Variants in H6PD observed in about 807,000 individuals in gnomAD.
H6PD encodes the protein GDH/6PGL endoplasmic bifunctional protein.
A neutral mutation model predicts 61.2 loss-of-function variants in H6PD; 48 were observed. The ratio of observed to expected loss-of-function variants is 0.78; its 90% CI spans 0.62 to 1.00. The LOEUF (loss-of-function observed/expected upper bound fraction) is 1.00. H6PD is among the 50% of genes least tolerant of loss of function. The probability of loss-of-function intolerance (pLI) is 0.00; values close to 1 mark genes in which losing one functional copy is unlikely to be tolerated. For synonymous variants in H6PD, 480 were observed against 457.9 expected, an observed-to-expected ratio of 1.05 and a Z score of -0.62; for missense variants, 1,093 against 1,065.0, an observed-to-expected ratio of 1.03 and a Z score of -0.37.
chr1:9,236,668 TA>T (rs34967254), intron 1 of H6PD, among the ~76,000 whole-genome samples: 2,990 of 111,420 alleles, frequency 0.027, 55 homozygotes, highest in African/African-American at 0.069. Flanking sequence ...GACTTCTCCT[TA>T]AAAAAAAAAA....
intron 3 of H6PD, among the ~76,000 whole-genome samples, 163 bp from the exon 4 acceptor site, chr1:9,261,896 G>A (rs936523434): frequency 5.9e-5 from 9 of 152,176 alleles, no homozygotes; most frequent in African/African-American, 1.9e-4. Flanking sequence ...CTCCCTTCTC[G>A]TGGTGAGGTT....
At chr1:9,242,255 C>G (rs1225498156) in intron 1 of H6PD, among the ~76,000 whole-genome samples, 1 of 152,076 alleles carries the variant, frequency 6.6e-6, no homozygotes, top group African/African-American at 2.4e-5. Context: ...AGGTCCTCTT[C>G]CTTCTGCATC....
At chr1:9,258,912 G>A (rs369782802) in intron 3 of H6PD, among the ~76,000 whole-genome samples, 57 of 152,138 alleles carry the variant, frequency 3.7e-4, no homozygotes, top group African/African-American at 1.3e-3. Context: ...TGTTACATCG[G>A]TGTTATGTTG....
rs1469980824 is a variant in H6PD at position 9,270,191 on chromosome 1, T to G, written c.*5322T>G. 1 of 152,682 alleles carries G rather than the reference T, an allele frequency of 6.5e-6. No individual in the cohort carries two copies. Among genetic ancestry groups the G allele is most frequent in the Non-Finnish European group, 1.5e-5 (1 of 68,044 alleles). 9.5% of individuals were successfully genotyped at this position (152,682 alleles called of 1,614,324 possible). A position where few individuals can be genotyped will look rare whatever the true frequency, so the allele number is the denominator to read the frequency against. On this transcript the variant is annotated 3_prime_UTR_variant, in exon 5 of 5. Transcript: ENST00000377403. ...CTGCTGCTTTGATTCTCAAGGCTGA[T>G]CTTTAAAACCCTCGCCTTGCTGACA...
intron 1 of H6PD, among the ~76,000 whole-genome samples, chr1:9,236,078 C>T (rs572724701): frequency 6.6e-6 from 1 of 152,120 alleles, no homozygotes; most frequent in South Asian, 2.1e-4. Flanking sequence ...CAACCTTCTC[C>T]TCCTGGTTCA....
intron 1 of H6PD, among the ~76,000 whole-genome samples, chr1:9,236,668 TAAAAA>T (rs34967254): frequency 2.7e-5 from 3 of 111,456 alleles, no homozygotes; most frequent in African/African-American, 6.6e-5. Context: ...GACTTCTCCT[TAAAAA>T]AAAAAAAAAA....
rs371007806 is a variant in H6PD, at chr1:9,263,489, C to T, written c.1016-20C>T. The T allele has an allele frequency of 9.9e-6, 16 of 1,613,108 alleles. No individual in the cohort carries two copies. The African/African-American group carries it at 1.9e-4, about 19-fold the overall frequency. ...CTGGTCTGTGCCAGAGAGTCACCCT[C>T]TGCTGTTCCCTCACCCCAGCCGTCC... On this transcript the variant is annotated intron_variant, in intron 4 of 4. Coordinates refer to ENST00000377403, the MANE Select transcript of H6PD (RefSeq NM_004285.4).
chr1:9,261,277 C>G (rs1276896449), intron 3 of H6PD, among the ~76,000 whole-genome samples: 1 of 152,200 alleles, frequency 6.6e-6, no homozygotes, highest in African/African-American at 2.4e-5. Flanking sequence ...CCCCTGATCT[C>G]CTCTCCAGCC....
chr1:9,256,431 G>A (rs1037318291), intron 3 of H6PD, among the ~76,000 whole-genome samples: 17 of 152,138 alleles, frequency 1.1e-4, no homozygotes, highest in Admixed American at 3.3e-4. Flanking sequence ...TTCATTTCTT[G>A]CCCCCCAACA....
At chr1:9,253,601 C>T (rs182215693) in intron 3 of H6PD, among the ~76,000 whole-genome samples, 3 of 152,272 alleles carry the variant, frequency 2.0e-5, no homozygotes, top group East Asian at 3.9e-4. Context: ...GCGATGCTTC[C>T]GCCACTGATG....
At chr1:9,256,410 T>C (rs1048211592) in intron 3 of H6PD, among the ~76,000 whole-genome samples, 2 of 152,088 alleles carry the variant, frequency 1.3e-5, no homozygotes, top group Non-Finnish European at 2.9e-5. Flanking sequence ...TTCCTACGAG[T>C]GGCTGCCGGC....
At chr1:9,258,311 C>T (rs572184977) in intron 3 of H6PD, among the ~76,000 whole-genome samples, 135 of 151,524 alleles carry the variant, frequency 8.9e-4, no homozygotes, top group Non-Finnish European at 1.4e-3. Flanking sequence ...GTTGTTATAC[C>T]GATATTGTTA....
intron 2 of H6PD, among the ~76,000 whole-genome samples, chr1:9,246,520 A>G (rs1002562307): frequency 1.3e-5 from 2 of 152,086 alleles, no homozygotes; most frequent in South Asian, 2.1e-4. Flanking sequence ...GGACAGAGAC[A>G]TGGCCTTCCA....
chr1:9,242,547 G>A (rs920055364), intron 1 of H6PD: 42 of 985,236 alleles, frequency 4.3e-5, no homozygotes, highest in Non-Finnish European at 5.1e-5. Flanking sequence ...AGGGAGGACT[G>A]TGGCAAACCT....
chr1:9,248,693 T>TGGG (rs1316953024), intron 3 of H6PD, among the ~76,000 whole-genome samples: 1 of 7,102 alleles, frequency 1.4e-4, no homozygotes, highest in African/African-American at 5.8e-4. Flanking sequence ...GGGGACAATG[T>TGGG]GGGGGGTGGG....
chr1:9,264,855 G>A lies in H6PD; in HGVS notation c.2362G>A (p.Ala788Thr), dbSNP rs753638476. The A allele has an allele frequency of 3.0e-5, 49 of 1,611,726 alleles. No individual in the cohort carries two copies. Among genetic ancestry groups the A allele is most frequent in the East Asian group, 6.7e-5 (3 of 44,890 alleles). Reference protein sequence around the residue: ...GQLVWYMDYDAFLG With the variant: ...GQLVWYMDYDTFLG ...GCTGGTGTGGTACATGGACTACGAC[G>A]CCTTCCTGGGATGAGGGCGCCTGTG... Residue 788 changes from alanine to threonine, a missense_variant, in exon 5 of 5, where the codon GCC (alanine) becomes ACC (threonine). Transcript: ENST00000377403.
At chr1:9,242,089 A>G (rs1016541057) in intron 1 of H6PD, among the ~76,000 whole-genome samples, 6 of 152,200 alleles carry the variant, frequency 3.9e-5, no homozygotes, top group Admixed American at 6.5e-5. Flanking sequence ...CTACTGGATC[A>G]GAATGTCTCT....
At position 9,267,947 on chromosome 1, in the gene H6PD, T is replaced by G. The variant is rs1005574897; in HGVS notation, c.*3078T>G. The G allele has an allele frequency of 2.6e-5, 4 of 152,178 alleles. No homozygotes were observed. Among genetic ancestry groups the G allele is most frequent in the African/African-American group, 9.7e-5 (4 of 41,436 alleles). 9.4% of individuals were successfully genotyped at this position (152,178 alleles called of 1,614,324 possible). A position where few individuals can be genotyped will look rare whatever the true frequency, so the allele number is the denominator to read the frequency against. ...GTTTTCATTTTTTTAAAATGCTTCT[T>G]AAAATTCACTAAATTGGGCTAGGTG... On this transcript the variant is annotated 3_prime_UTR_variant, in exon 5 of 5. Transcript: ENST00000377403.
intron 2 of H6PD, among the ~76,000 whole-genome samples, chr1:9,246,233 C>T (rs916813919): frequency 7.2e-5 from 11 of 152,188 alleles, no homozygotes; most frequent in East Asian, 5.8e-4. Context: ...CGTGAGCCAC[C>T]GCACCCTGCC....
Sources: allele counts gnomAD v4.1 joint callset (sites outside exome capture counted in the v4.1 genomes callset), GRCh38; gene constraint gnomAD v4.1.1; transcripts MANE v1.5; gene names NCBI Gene and HGNC (gene_info 2026-07-23, HGNC 2026-07-21).